FREM2: variants seen among roughly 807,000 people sequenced by gnomAD.
FREM2 encodes FRAS1 related extracellular matrix 2.
In FREM2, 119 loss-of-function variants were observed where a neutral mutation model predicts 219.9. That is an observed-to-expected ratio of 0.54 (90% confidence interval 0.47 to 0.63). FREM2 has a LOEUF of 0.63. Ranked by LOEUF, FREM2 falls within the 30% of genes least tolerant of loss-of-function variation. The pLI, the probability that FREM2 is intolerant of heterozygous loss-of-function variation, is 0.00. For synonymous variants in FREM2, 1,562 were observed against 1,522.8 expected, an observed-to-expected ratio of 1.03 and a Z score of -0.60; for missense variants, 4,030 against 3,993.6, an observed-to-expected ratio of 1.01 and a Z score of -0.25.
intron 3 of FREM2, among the ~76,000 whole-genome samples, chr13:38,766,692 A>C (rs918721693): frequency 6.6e-6 from 1 of 152,242 alleles, no homozygotes; most frequent in African/African-American, 2.4e-5. Flanking sequence ...TATTCATTTT[A>C]TAACCACTAA....
At chr13:38,751,658 T>C (rs1030199629) in intron 2 of FREM2, among the ~76,000 whole-genome samples, 1 of 152,190 alleles carries the variant, frequency 6.6e-6, no homozygotes, top group Non-Finnish European at 1.5e-5. Flanking sequence ...AATGTATGTA[T>C]AGTATTTGGT....
chr13:38,758,977 G>A (rs1368966643), intron 2 of FREM2, among the ~76,000 whole-genome samples: 1 of 152,192 alleles, frequency 6.6e-6, no homozygotes, highest in Non-Finnish European at 1.5e-5. Context: ...AGACTGCAGA[G>A]AGCTGTGATA....
chr13:38,878,457 C>T, intron 22 of FREM2, 136 bp downstream of exon 22: 1 of 454,066 alleles, frequency 2.2e-6, no homozygotes, highest in South Asian at 2.2e-5. Flanking sequence ...GTAGAAGGAT[C>T]ACTTGAAGCC....
At position 38,690,456 on chromosome 13, in the gene FREM2, G is replaced by T. The variant is rs761464358; in HGVS notation, c.3112G>T (p.Asp1038Tyr). The T allele has an allele frequency of 1.2e-5, 20 of 1,614,090 alleles. No homozygotes were observed. Among genetic ancestry groups the T allele is most frequent in the Non-Finnish European group, 1.7e-5 (20 of 1,180,042 alleles). ...KADSFNLSLSDMSQEWRIGGN... is the reference protein window; with the variant it reads ...KADSFNLSLSYMSQEWRIGGN... ...GGATTCTTTTAACCTGAGTCTGTCA[G>T]ATATGTCTCAAGAATGGAGAATTGG... The change falls in exon 1 of 24, where the codon GAT (aspartate) becomes TAT (tyrosine). Residue 1038 changes from aspartate (D) to tyrosine (Y), a missense_variant. This residue lies in a region of FREM2 where 3,102 missense variants were observed against 2,950.7 expected (regional missense o/e 1.05). Transcript: ENST00000280481.
chr13:38,772,112 A>T (rs2137817574), intron 4 of FREM2, among the ~76,000 whole-genome samples: 1 of 152,068 alleles, frequency 6.6e-6, no homozygotes, highest in East Asian at 1.9e-4. Context: ...TATGCCTACA[A>T]GCTCTCCCTC....
rs570990445 is a variant in FREM2, at chr13:38,858,044, G to C, written c.7215+11G>C. 1 of 1,610,224 alleles carries C rather than the reference G, an allele frequency of 6.2e-7. No homozygotes were observed. The highest frequency in any genetic ancestry group is 8.5e-7 in the Non-Finnish European group (1 of 1,176,680). ...GTCATCTGTATCACAGTGAGTAGGA[G>C]ATTCACAAAATTGAGGAAAATTGTA... On this transcript the variant is annotated intron_variant, in intron 13 of 23. Transcript: ENST00000280481.
At chr13:38,867,731 T>C (rs1474521956) in intron 16 of FREM2, among the ~76,000 whole-genome samples, 3 of 152,224 alleles carry the variant, frequency 2.0e-5, no homozygotes, top group Admixed American at 2.0e-4. Flanking sequence ...AGTTCTGATA[T>C]CCAAGGGCAG....
chr13:38,878,796 T>C (rs755410666), intron 22 of FREM2, 35 bp from the exon 23 acceptor site: 3 of 1,609,214 alleles, frequency 1.9e-6, no homozygotes, highest in African/African-American at 1.3e-5. Context: ...CGTGGCATTA[T>C]CTACAGCAAT....
rs189322940 is a variant in FREM2 at position 38,812,189 on chromosome 13, A to T, written c.6019+27381A>T. ...TTATTTTCAGTCTATGTGTATCTTT[A>T]TAAGTGAAGTATGTTTCTTATAGTC... On this transcript the variant is annotated intron_variant, in intron 6 of 23. Transcript: ENST00000280481. 1.1e-3 allele frequency among the ~76,000 whole-genome samples: 173 copies of T among 152,116 alleles called. 1 individual carries two copies. The highest frequency in any genetic ancestry group is 9.5e-3 in the South Asian group (46 of 4,820).
Position 38,878,848 on chromosome 13 carries a change from G to A in FREM2, c.8877G>A (p.Glu2959=), listed in dbSNP as rs1357455063. 1.2e-5 allele frequency: 19 copies of A among 1,614,144 alleles called. No individual in the cohort carries two copies. The highest frequency in any genetic ancestry group is 1.7e-5 in the Admixed American group (1 of 60,026). Residue 2959 remains glutamate (E), a synonymous_variant, in exon 23 of 24, where the codon GAG becomes GAA. Coordinates refer to ENST00000280481, the MANE Select transcript of FREM2 (RefSeq NM_207361.6). The stretch of plus-strand genomic sequence containing the variant: ...GCTTAAAGGACAAAGCTCAGCCAGA[G>A]ACACAAGCGACCAGTTTTGGAAATG... ...RFKIVDKAQP[E]TQATSFGNVL...
chr13:38,790,794 C>T (rs987065439), intron 6 of FREM2, among the ~76,000 whole-genome samples: 5 of 152,138 alleles, frequency 3.3e-5, no homozygotes, highest in Non-Finnish European at 7.3e-5. Flanking sequence ...CTAGACATGA[C>T]CTTTTTGGCA....
At chr13:38,771,391 T>C (rs1296632614) in intron 4 of FREM2, among the ~76,000 whole-genome samples, 1 of 152,138 alleles carries the variant, frequency 6.6e-6, no homozygotes, top group Non-Finnish European at 1.5e-5. Context: ...CTGGAAGCCA[T>C]TTTTTGATAT....
intron 6 of FREM2, among the ~76,000 whole-genome samples, chr13:38,808,326 C>T (rs575220802): frequency 3.2e-4 from 49 of 152,108 alleles, no homozygotes; most frequent in African/African-American, 1.1e-3. Flanking sequence ...GCTTTCTTAT[C>T]ATTTGTGTGT....
In FREM2 at chr13:38,870,329, G is replaced by T. The variant is rs552570686; in HGVS notation, c.7984-2413G>T. Among the ~76,000 whole-genome samples the T allele has an allele frequency of 6.6e-5, 10 of 152,206 alleles. No homozygotes were observed. The South Asian group carries it at 1.7e-3, about 25-fold the overall frequency. ...GTGTGTTACTTTTTCCATGGTATTT[G>T]CATTTTACACTTTCCTTTTAAATAT... On this transcript the variant is annotated intron_variant, in intron 16 of 23. Transcript: ENST00000280481.
rs1181261367 is a variant in FREM2, at chr13:38,884,816, A to G, written c.*4029A>G. On this transcript the variant is annotated 3_prime_UTR_variant, in exon 24 of 24. Transcript: ENST00000280481. ...TAAAATAACCAAACATCTCATTTCTAGGAAAGAGATAACACTAAAGGCATC... is the reference window on the plus strand; with the variant it reads ...TAAAATAACCAAACATCTCATTTCTGGGAAAGAGATAACACTAAAGGCATC... The G allele has an allele frequency of 6.6e-6, 1 of 152,218 alleles. No individual in the cohort carries two copies. Among genetic ancestry groups the G allele is most frequent in the East Asian group, 1.9e-4 (1 of 5,198 alleles). The allele number at this position is 152,218 out of a possible 1,614,324, so 9.4% of individuals were successfully genotyped here.
At chr13:38,817,882 T>C (rs1202962007) in intron 6 of FREM2, among the ~76,000 whole-genome samples, 3 of 151,876 alleles carry the variant, frequency 2.0e-5, no homozygotes, top group African/African-American at 7.2e-5. Flanking sequence ...TAATCAAAAA[T>C]GGGCAAAAGG....
chr13:38,812,506 T>A (rs899905955), intron 6 of FREM2, among the ~76,000 whole-genome samples: 5 of 152,164 alleles, frequency 3.3e-5, no homozygotes, highest in African/African-American at 1.2e-4. Context: ...AAATACTATC[T>A]TATAACCTAT....
At chr13:38,721,209 GT>G (rs35734664) in intron 2 of FREM2, among the ~76,000 whole-genome samples, 16,352 of 152,030 alleles carry the variant, frequency 0.11, 1,023 homozygotes, top group East Asian at 0.17. Flanking sequence ...GCAATTGTGT[GT>G]TTGGTAGAGG....
At chr13:38,872,302 G>C (rs912932616) in intron 16 of FREM2, among the ~76,000 whole-genome samples, 1 of 152,144 alleles carries the variant, frequency 6.6e-6, no homozygotes, top group African/African-American at 2.4e-5. Context: ...AGGGATTGGG[G>C]GTGACTGCTA....
Sources: gnomAD v4.1 joint callset for allele counts (sites outside exome capture counted in the v4.1 genomes callset) on GRCh38, gnomAD v4.1.1 for gene constraint, gnomAD v4.1.1 regional missense constraint, MANE v1.5 for transcripts, NCBI Gene and HGNC (gene_info 2026-07-23, HGNC 2026-07-21) for gene names.